Variants in PLD5 observed in about 807,000 individuals in gnomAD.
The protein encoded by PLD5 is inactive phospholipase D5.
Under a neutral mutation model 61.1 loss-of-function variants are expected in PLD5, and 36 were observed. The observed-to-expected ratio is 0.59, with a 90% CI of 0.45 to 0.78. PLD5 has a LOEUF of 0.78. Ranked by LOEUF, PLD5 falls within the 30% of genes least tolerant of loss-of-function variation. The probability of loss-of-function intolerance (pLI) is 0.00; values close to 1 mark genes in which losing one functional copy is unlikely to be tolerated. For synonymous variants in PLD5, 243 were observed against 242.8 expected, an observed-to-expected ratio of 1.00 and a Z score of -0.01; for missense variants, 515 against 644.4, an observed-to-expected ratio of 0.80 and a Z score of 2.17.
At chr1:242,095,099 G>A (rs1345292967) in intron 9 of PLD5, among the ~76,000 whole-genome samples, 1 of 151,962 alleles carries the variant, frequency 6.6e-6, no homozygotes, top group Admixed American at 6.6e-5. Flanking sequence ...ACCACGCCTG[G>A]CTAATATTTT....
intron 4 of PLD5, among the ~76,000 whole-genome samples, chr1:242,251,319 G>A (rs1242814160): frequency 2.0e-5 from 3 of 152,178 alleles, no homozygotes; most frequent in Admixed American, 2.0e-4. Context: ...ATGTTTAAGG[G>A]AATGATAGTG....
At chr1:242,150,390 A>G (rs1234717086) in intron 5 of PLD5, among the ~76,000 whole-genome samples, 4 of 151,778 alleles carry the variant, frequency 2.6e-5, no homozygotes, top group African/African-American at 4.8e-5. Context: ...ATCAATTACT[A>G]TAAACTGAAT....
At chr1:242,508,153 C>T (rs1262770231) in intron 1 of PLD5, among the ~76,000 whole-genome samples, 2 of 150,560 alleles carry the variant, frequency 1.3e-5, no homozygotes, top group Middle Eastern at 3.4e-3. Flanking sequence ...CACCTGAGGT[C>T]AGGAGTTCAA....
intron 8 of PLD5, among the ~76,000 whole-genome samples, 189 bp downstream of exon 8, chr1:242,107,482 A>T (rs540400016): frequency 8.6e-6 from 1 of 115,786 alleles, no homozygotes. Context: ...CGGAGGAGGC[A>T]TCAGGAAACA....
intron 1 of PLD5, among the ~76,000 whole-genome samples, chr1:242,386,277 C>T (rs1047207490): frequency 6.6e-6 from 1 of 152,176 alleles, no homozygotes; most frequent in African/African-American, 2.4e-5. Flanking sequence ...GGGGACACAA[C>T]TCGACCCAAA....
At chr1:242,181,694 C>G (rs927796260) in intron 5 of PLD5, among the ~76,000 whole-genome samples, 3 of 152,002 alleles carry the variant, frequency 2.0e-5, no homozygotes, top group African/African-American at 7.2e-5. Flanking sequence ...GACAGAGTCT[C>G]ACTCTGTCAC....
At chr1:242,100,600 G>T in intron 9 of PLD5, 68 bp downstream of exon 9, 2 of 1,159,772 alleles carry the variant, frequency 1.7e-6, no homozygotes, top group Non-Finnish European at 2.6e-6. Context: ...GGGATACCGT[G>T]GAGCACAGCT....
intron 1 of PLD5, among the ~76,000 whole-genome samples, chr1:242,418,379 G>A (rs1664944078): frequency 6.6e-6 from 1 of 152,138 alleles, no homozygotes; most frequent in African/African-American, 2.4e-5. Flanking sequence ...ATAGACAATT[G>A]GATGTGTGTC....
At chr1:242,482,694 G>A (rs1469521727) in intron 1 of PLD5, among the ~76,000 whole-genome samples, 1 of 152,026 alleles carries the variant, frequency 6.6e-6, no homozygotes, top group African/African-American at 2.4e-5. Context: ...TTCAAATTCA[G>A]GAAATACAGA....
intron 2 of PLD5, among the ~76,000 whole-genome samples, chr1:242,336,299 A>G (rs1162727586): frequency 6.6e-6 from 1 of 152,188 alleles, no homozygotes; most frequent in East Asian, 1.9e-4. Context: ...TTCCATTTCT[A>G]GGAATTTAAA....
chr1:242,493,031 A>G (rs766798023), intron 1 of PLD5, among the ~76,000 whole-genome samples: 3 of 152,236 alleles, frequency 2.0e-5, no homozygotes, highest in Non-Finnish European at 4.4e-5. Flanking sequence ...ACACTGCAAA[A>G]GAAAAAAGCA....
At chr1:242,193,225 G>A (rs1382384051) in intron 5 of PLD5, among the ~76,000 whole-genome samples, 1 of 151,928 alleles carries the variant, frequency 6.6e-6, no homozygotes, top group African/African-American at 2.4e-5. Flanking sequence ...GCTCTCCAAT[G>A]TCTGGCATGC....
chr1:242,525,510 G>T (rs535947991), upstream of PLD5, among the ~76,000 whole-genome samples: 19 of 152,358 alleles, frequency 1.2e-4, no homozygotes, highest in South Asian at 3.9e-3. Flanking sequence ...GAATAGGGTG[G>T]CTTGTTCGCG....
chr1:242,139,681 A>G (rs1195962935), intron 5 of PLD5, among the ~76,000 whole-genome samples: 2 of 152,194 alleles, frequency 1.3e-5, no homozygotes, highest in African/African-American at 2.4e-5. Flanking sequence ...GTCATGTGGC[A>G]TAACTGGAAG....
chr1:242,433,367 G>A (rs1665823684), intron 1 of PLD5, among the ~76,000 whole-genome samples: 2 of 152,162 alleles, frequency 1.3e-5, no homozygotes, highest in African/African-American at 4.8e-5. Context: ...ATTCCTGCCA[G>A]GCTTTTGTAC....
chr1:242,524,919 GC>G (rs1164439545), upstream of PLD5, among the ~76,000 whole-genome samples: 2 of 152,056 alleles, frequency 1.3e-5, no homozygotes, highest in Non-Finnish European at 2.9e-5. Flanking sequence ...TGGAAAGCCG[GC>G]AGGCGAGGGG....
At chr1:242,232,346 T>C (rs1558376117) in intron 4 of PLD5, among the ~76,000 whole-genome samples, 3 of 152,218 alleles carry the variant, frequency 2.0e-5, no homozygotes, top group Non-Finnish European at 4.4e-5. Context: ...TAGCAAATAC[T>C]GAAGATAAAA....
In PLD5 at chr1:242,478,446, T is replaced by A. The variant is rs1032325146; in HGVS notation, c.189+45642A>T. Among the ~76,000 whole-genome samples the A allele has an allele frequency of 3.3e-5, 5 of 152,170 alleles. 1 individual carries two copies. Among genetic ancestry groups the A allele is most frequent in the Non-Finnish European group, 7.4e-5 (5 of 68,020 alleles). The stretch of plus-strand genomic sequence containing the variant: ...AGGAGAGAGGTGACTGAGACCCTGG[T>A]CCTGTCACTGCGAGGGACTAGCTGC... On this transcript the variant is annotated intron_variant, in intron 1 of 9. Coordinates refer to ENST00000536534, the MANE Select transcript of PLD5 (RefSeq NM_001372062.1).
intron 1 of PLD5, among the ~76,000 whole-genome samples, chr1:242,418,732 T>A (rs572973476): frequency 6.6e-6 from 1 of 152,150 alleles, no homozygotes; most frequent in African/African-American, 2.4e-5. Flanking sequence ...ATCACCGAAT[T>A]GAGCATGATA....
Sources: allele counts gnomAD v4.1 joint callset (sites outside exome capture counted in the v4.1 genomes callset), GRCh38; gene constraint gnomAD v4.1.1; transcripts MANE v1.5; gene names NCBI Gene and HGNC (gene_info 2026-07-23, HGNC 2026-07-21).